The following DPY19L1 variants were observed in gnomAD, a reference collection of about 807,000 sequenced individuals.
DPY19L1 encodes protein C-mannosyl-transferase DPY19L1.
In DPY19L1, 35 loss-of-function variants were observed where a neutral mutation model predicts 96.9. The ratio of observed to expected loss-of-function variants is 0.36; its 90% CI spans 0.28 to 0.48. The LOEUF (loss-of-function observed/expected upper bound fraction) is 0.48. DPY19L1 is among the 20% of genes least tolerant of loss of function. The probability of loss-of-function intolerance (pLI) is 0.99; values close to 1 mark genes in which losing one functional copy is unlikely to be tolerated. For missense variants in DPY19L1, 521 were observed against 777.9 expected (o/e 0.67, Z 3.93); for synonymous variants, 205 against 252.6 (o/e 0.81, Z 1.79).
chr7:34,947,539 A>G (rs1784175077), intron 15 of DPY19L1, 91 bp downstream of exon 15: 2 of 1,018,434 alleles, frequency 2.0e-6, no homozygotes, highest in Middle Eastern at 2.4e-4. Context: ...AAAACGTTGT[A>G]TCAGATAAAT....
chr7:35,013,060 G>A (rs1337283963), intron 4 of DPY19L1, among the ~76,000 whole-genome samples: 5 of 152,136 alleles, frequency 3.3e-5, no homozygotes, highest in Non-Finnish European at 5.9e-5. Flanking sequence ...CTGGTGGATA[G>A]TTCAATATCT....
At chr7:35,035,092 G>A (rs1786356557) in intron 1 of DPY19L1, among the ~76,000 whole-genome samples, 1 of 152,220 alleles carries the variant, frequency 6.6e-6, no homozygotes, top group East Asian at 1.9e-4. Flanking sequence ...AGAGAAAGAA[G>A]CAACCCAGGT....
intron 10 of DPY19L1, 85 bp downstream of exon 10, chr7:34,966,809 A>G: frequency 8.2e-7 from 1 of 1,220,920 alleles, no homozygotes. Flanking sequence ...AATTGTTACA[A>G]CTAGTTTCAA....
At chr7:34,983,566 G>GGGAA in intron 7 of DPY19L1, among the ~76,000 whole-genome samples, 1 of 150,252 alleles carries the variant, frequency 6.7e-6, no homozygotes. Flanking sequence ...GAGGGAGGGA[G>GGGAA]GGATGGAAAT....
Position 34,972,836 on chromosome 7 carries a change from G to C in DPY19L1, c.914+678C>G, listed in dbSNP as rs569589776. Among the ~76,000 whole-genome samples the C allele has an allele frequency of 3.5e-4, 54 of 152,218 alleles. 1 individual carries two copies. The highest frequency in any genetic ancestry group is 1.8e-4 in the Non-Finnish European group (12 of 68,016). On this transcript the variant is annotated intron_variant, in intron 8 of 21. Coordinates refer to ENST00000638088, the MANE Select transcript of DPY19L1 (RefSeq NM_001366673.1). ...ATTACCCATCCCATGTTCTATGAAG[G>C]GTCTGTCTAAAGACACTACTACATA...
intron 6 of DPY19L1, among the ~76,000 whole-genome samples, chr7:34,997,768 T>C (rs921580027): frequency 3.3e-5 from 5 of 152,064 alleles, no homozygotes; most frequent in Non-Finnish European, 7.4e-5. Context: ...TGCAAAATAA[T>C]GGAAGCAAAA....
At chr7:35,028,497 G>C (rs757153775) in intron 1 of DPY19L1, among the ~76,000 whole-genome samples, 4 of 152,016 alleles carry the variant, frequency 2.6e-5, no homozygotes. Context: ...ACTACTCAAC[G>C]TAAGTGTTTT....
chr7:34,952,217 T>C (rs1784283577), intron 13 of DPY19L1, among the ~76,000 whole-genome samples: 1 of 150,960 alleles, frequency 6.6e-6, no homozygotes. Flanking sequence ...AACAAAAAGA[T>C]CACTTCCCAA....
chr7:35,013,518 A>C, intron 4 of DPY19L1, 50 bp downstream of exon 4: 1 of 1,536,678 alleles, frequency 6.5e-7, no homozygotes, highest in Non-Finnish European at 9.0e-7. Flanking sequence ...CGTTTAATAC[A>C]AAAAAGTTTT....
intron 9 of DPY19L1, among the ~76,000 whole-genome samples, chr7:34,968,717 C>T (rs1213547800): frequency 4.1e-5 from 5 of 122,210 alleles, no homozygotes; most frequent in African/African-American, 6.1e-5. Flanking sequence ...TGCAGTGAGC[C>T]GAGATTGCGC....
At chr7:35,036,587 G>T (rs1786406312) in intron 1 of DPY19L1, among the ~76,000 whole-genome samples, 1 of 152,060 alleles carries the variant, frequency 6.6e-6, no homozygotes, top group Admixed American at 6.5e-5. Context: ...CAAATAAAGT[G>T]CCACCAGCGG....
intron 14 of DPY19L1, among the ~76,000 whole-genome samples, chr7:34,949,130 G>A (rs1279412578): frequency 2.6e-5 from 4 of 152,158 alleles, no homozygotes; most frequent in Admixed American, 2.0e-4. Context: ...CATGCTTGTC[G>A]AACTAAACCA....
intron 3 of DPY19L1, 127 bp downstream of exon 3, chr7:35,017,755 G>A (rs1265305382): frequency 3.8e-6 from 2 of 522,280 alleles, no homozygotes; most frequent in African/African-American, 2.0e-5. Flanking sequence ...GGCTGTGGCT[G>A]TCAGCTGTAG....
chr7:35,011,187 A>C lies in DPY19L1; in HGVS notation c.670+143T>G, dbSNP rs544276568. 12 of 952,414 alleles carry C rather than the reference A, an allele frequency of 1.3e-5. No homozygotes were observed. The South Asian group carries it at 2.0e-4, about 16-fold the overall frequency. The allele number at this position is 952,414 out of a possible 1,614,324, so 59.0% of individuals were successfully genotyped here. A position where few individuals can be genotyped will look rare whatever the true frequency, so the allele number is the denominator to read the frequency against. On this transcript the variant is annotated intron_variant, in intron 5 of 21. Transcript: ENST00000638088. ...AAACCAGCCCCGCTAAAGCCTGCCCAAATTCTGGACTTGCAGAATCTATAT... is the reference window on the plus strand; with the variant it reads ...AAACCAGCCCCGCTAAAGCCTGCCCCAATTCTGGACTTGCAGAATCTATAT...
intron 8 of DPY19L1, among the ~76,000 whole-genome samples, chr7:34,972,413 G>A (rs972680473): frequency 3.3e-5 from 5 of 152,168 alleles, no homozygotes; most frequent in East Asian, 1.9e-4. Context: ...GGGACAGATC[G>A]GATCAGTGAG....
Position 34,953,287 on chromosome 7 carries a change from T to A in DPY19L1, c.1320+1411A>T, listed in dbSNP as rs563965101. On this transcript the variant is annotated intron_variant, in intron 13 of 21. Transcript: ENST00000638088. ...AACTAAGTTATTTCTAATTTGCAAA[T>A]AACATAGTTTATAGCATCTTTTTTG... is the stretch of plus-strand genomic sequence containing the variant. 3.9e-5 allele frequency among the ~76,000 whole-genome samples: 6 copies of A among 152,328 alleles called. No homozygotes were observed. In the East Asian group the frequency reaches 9.6e-4, roughly 24 times the overall value.
At chr7:35,001,624 G>A (rs1283932194) in intron 6 of DPY19L1, among the ~76,000 whole-genome samples, 1 of 152,016 alleles carries the variant, frequency 6.6e-6, no homozygotes, top group Non-Finnish European at 1.5e-5. Flanking sequence ...ACATTTAAAG[G>A]CAAACCAAAG....
At chr7:35,023,369 C>G (rs1447943005) in intron 1 of DPY19L1, among the ~76,000 whole-genome samples, 7 of 152,286 alleles carry the variant, frequency 4.6e-5, no homozygotes, top group Non-Finnish European at 1.0e-4. Context: ...TTCTCCTCCC[C>G]AAGGTGCGAG....
chr7:34,962,360 T>C (rs975335283), intron 10 of DPY19L1, among the ~76,000 whole-genome samples: 2 of 152,202 alleles, frequency 1.3e-5, no homozygotes, highest in Admixed American at 6.5e-5. Flanking sequence ...GGCTACATAC[T>C]GTATGGTTCC....
Sources: gnomAD v4.1 joint callset for allele counts (sites outside exome capture counted in the v4.1 genomes callset) on GRCh38, gnomAD v4.1.1 for gene constraint, MANE v1.5 for transcripts, NCBI Gene and HGNC (gene_info 2026-07-23, HGNC 2026-07-21) for gene names.